The following CENPI variants were observed in gnomAD, a reference collection of about 807,000 sequenced individuals.
The protein encoded by CENPI is FSH primary response 1.
A neutral mutation model predicts 60.4 loss-of-function variants in CENPI; 4 were observed. That is an observed-to-expected ratio of 0.07 (90% confidence interval 0.03 to 0.15). The LOEUF is 0.15. Among genes scored for constraint, CENPI ranks in the 10% least tolerant of loss-of-function variants. The probability of loss-of-function intolerance (pLI) is 1.00; values close to 1 mark genes in which losing one functional copy is unlikely to be tolerated. For missense variants in CENPI, 444 were observed against 534.5 expected, an observed-to-expected ratio of 0.83 and a Z score of 1.67; for synonymous variants, 157 against 189.4, an observed-to-expected ratio of 0.83 and a Z score of 1.40.
At chrX:101,155,246 G>A (rs1000625854) in intron 20 of CENPI, among the ~76,000 whole-genome samples, 7 of 111,370 alleles carry the variant, frequency 6.3e-5, no homozygotes, top group African/African-American at 9.8e-5. Context: ...CTGGAGTGCA[G>A]TAGTGCAGTC....
chrX:101,146,034 G>C, intron 17 of CENPI, 119 bp from the exon 18 acceptor site: 1 of 554,948 alleles, frequency 1.8e-6, no homozygotes, highest in South Asian at 4.8e-5. Context: ...TAGGAGTCAG[G>C]CATGTCCAAA....
intron 20 of CENPI, among the ~76,000 whole-genome samples, chrX:101,154,110 A>G (rs753314108): frequency 1.1e-4 from 12 of 111,917 alleles, no homozygotes; most frequent in Non-Finnish European, 1.7e-4. Flanking sequence ...CTATATGTCT[A>G]TCCTCATGCC....
intron 2 of CENPI, chrX:101,100,060 T>G (rs1292051608): frequency 9.0e-6 from 1 of 110,800 alleles, no homozygotes; most frequent in African/African-American, 3.3e-5. Flanking sequence ...AAGTGCTGTA[T>G]TACAGGTGTG....
intron 13 of CENPI, 54 bp from the exon 14 acceptor site, chrX:101,132,136 A>G: frequency 1.1e-6 from 1 of 877,733 alleles, no homozygotes; most frequent in Non-Finnish European, 1.6e-6. Context: ...TTTAGAGCAT[A>G]ATTTTATGAC....
chrX:101,173,784 C>A, the CENPI span, among the ~76,000 whole-genome samples: 16 of 109,687 alleles, frequency 1.5e-4, no homozygotes, highest in Non-Finnish European at 1.9e-5. Context: ...ATATCAAGTT[C>A]AAAAATTGAA....
intron 15 of CENPI, among the ~76,000 whole-genome samples, chrX:101,136,511 T>C (rs1015232557): frequency 8.9e-6 from 1 of 112,488 alleles, no homozygotes; most frequent in Non-Finnish European, 1.9e-5. Flanking sequence ...TAACTAGTTA[T>C]TGCCTTGTTA....
intron 20 of CENPI, among the ~76,000 whole-genome samples, chrX:101,150,165 A>G (rs1413440643): frequency 9.4e-6 from 1 of 106,726 alleles, no homozygotes; most frequent in Non-Finnish European, 1.9e-5. Context: ...TTTATCATAC[A>G]ATATACAATA....
chrX:101,119,154 TG>T (rs1472887060), intron 6 of CENPI, among the ~76,000 whole-genome samples: 1 of 111,905 alleles, frequency 8.9e-6, no homozygotes, highest in Non-Finnish European at 1.9e-5. Flanking sequence ...TGCTCCAGCC[TG>T]GGCAACAAGA....
At chrX:101,122,161 G>C (rs773917947) in intron 8 of CENPI, among the ~76,000 whole-genome samples, 3 of 111,492 alleles carry the variant, frequency 2.7e-5, no homozygotes, top group Non-Finnish European at 5.6e-5. Context: ...TATATTCTCT[G>C]ACTGTTATCT....
intron 18 of CENPI, among the ~76,000 whole-genome samples, chrX:101,146,776 T>C (rs2089965166): frequency 9.0e-6 from 1 of 111,438 alleles, no homozygotes; most frequent in Non-Finnish European, 1.9e-5. Context: ...TTTGCTCTTA[T>C]CACCCTGGAG....
At chrX:101,123,835 G>T (rs1358089709) in intron 8 of CENPI, among the ~76,000 whole-genome samples, 2 of 111,028 alleles carry the variant, frequency 1.8e-5, no homozygotes, top group Non-Finnish European at 3.8e-5. Flanking sequence ...CAATCCTCCC[G>T]CCTTGGCCTC....
chrX:101,132,108 C>T, intron 13 of CENPI, 82 bp from the exon 14 acceptor site: 2 of 678,634 alleles, frequency 2.9e-6, no homozygotes, highest in South Asian at 5.4e-5. Flanking sequence ...GCAACTATAG[C>T]ACAAAATAAA....
At chrX:101,103,154 C>T (rs774547670) in intron 4 of CENPI, among the ~76,000 whole-genome samples, 13 of 104,655 alleles carry the variant, frequency 1.2e-4, no homozygotes, top group South Asian at 8.8e-4. Context: ...CCACCACGCC[C>T]GGCTAATGTT....
the CENPI span, among the ~76,000 whole-genome samples, chrX:101,179,767 G>C: frequency 1.1e-3 from 129 of 112,360 alleles, no homozygotes; most frequent in African/African-American, 4.0e-3. Context: ...TGATCTGCCC[G>C]CCTCGGCCTC....
At chrX:101,157,988 A>G (rs2090069388) in intron 20 of CENPI, among the ~76,000 whole-genome samples, 1 of 111,364 alleles carries the variant, frequency 9.0e-6, no homozygotes, top group African/African-American at 3.3e-5. Context: ...AATGACCATC[A>G]TTCTACTCTC....
At chrX:101,104,852 GA>G (rs58910115) in intron 4 of CENPI, among the ~76,000 whole-genome samples, 16,640 of 88,829 alleles carry the variant, frequency 0.19, 1,303 homozygotes, top group Middle Eastern at 0.24. Flanking sequence ...CTGTCTCTGG[GA>G]AAAAAAAAAA....
chrX:101,143,613 C>A (rs2089936061), intron 16 of CENPI, among the ~76,000 whole-genome samples: 1 of 112,863 alleles, frequency 8.9e-6, no homozygotes. Context: ...TCATTGCAAC[C>A]TCCACCTCCT....
At chrX:101,123,290 T>G (rs1272581203) in intron 8 of CENPI, among the ~76,000 whole-genome samples, 2 of 112,081 alleles carry the variant, frequency 1.8e-5, no homozygotes, top group Non-Finnish European at 3.8e-5. Context: ...CCATGCCCCA[T>G]AGCTCCCAAT....
At chrX:101,126,634 CCTT>C in intron 8 of CENPI, 72 bp from the exon 9 acceptor site, 5 of 785,064 alleles carry the variant, frequency 6.4e-6, no homozygotes, top group South Asian at 2.3e-5. Context: ...ATACTTTTTT[CCTT>C]CTTATTGGTA....
Sources: gnomAD v4.1 joint callset for allele counts (sites outside exome capture counted in the v4.1 genomes callset) on GRCh38, gnomAD v4.1.1 for gene constraint, MANE v1.5 for transcripts, NCBI Gene and HGNC (gene_info 2026-07-23, HGNC 2026-07-21) for gene names.